Variants in TRIM44 observed in about 807,000 individuals in gnomAD.
TRIM44 encodes tripartite motif-containing protein 44.
In TRIM44, 13 loss-of-function variants were observed where a neutral mutation model predicts 37.4. The observed-to-expected ratio is 0.35, with a 90% CI of 0.23 to 0.55. The LOEUF (loss-of-function observed/expected upper bound fraction) is 0.55. Ranked by LOEUF, TRIM44 falls within the 20% of genes least tolerant of loss-of-function variation. The probability of loss-of-function intolerance (pLI) is 0.89; values close to 1 mark genes in which losing one functional copy is unlikely to be tolerated. For synonymous variants in TRIM44, 175 were observed against 157.2 expected, an observed-to-expected ratio of 1.11 and a Z score of -0.85; for missense variants, 426 against 437.2, an observed-to-expected ratio of 0.97 and a Z score of 0.23.
chr11:35,686,872 A>G (rs1403093534), intron 2 of TRIM44, among the ~76,000 whole-genome samples: 1 of 152,216 alleles, frequency 6.6e-6, no homozygotes, highest in Non-Finnish European at 1.5e-5. Flanking sequence ...TTTGTTGTGC[A>G]GCCATCATCA....
chr11:35,758,432 A>G lies in TRIM44; in HGVS notation c.1007+22987A>G, dbSNP rs150348498. On this transcript the variant is annotated intron_variant, in intron 4 of 4. Transcript: ENST00000299413. Reference sequence around the variant, plus strand: ...TGGGTTTCCTGAATACAGTACACTGATGGGTCTTGACTCTTTATCCAGTTT... The same window carrying G: ...TGGGTTTCCTGAATACAGTACACTGGTGGGTCTTGACTCTTTATCCAGTTT... 8.9e-3 allele frequency among the ~76,000 whole-genome samples: 1,351 copies of G among 152,212 alleles called. 7 individuals carry two copies. Among genetic ancestry groups the G allele is most frequent in the Non-Finnish European group, 0.013 (896 of 68,010 alleles).
At chr11:35,788,414 G>T (rs1332490070) in intron 4 of TRIM44, among the ~76,000 whole-genome samples, 1 of 152,054 alleles carries the variant, frequency 6.6e-6, no homozygotes, top group Non-Finnish European at 1.5e-5. Context: ...CAAAGGGAGG[G>T]GTAGGGGACA....
chr11:35,680,131 C>G (rs1851507054), intron 1 of TRIM44, among the ~76,000 whole-genome samples: 1 of 152,096 alleles, frequency 6.6e-6, no homozygotes, highest in Non-Finnish European at 1.5e-5. Flanking sequence ...TTTGCATTGT[C>G]AAAGGAAAAG....
intron 4 of TRIM44, among the ~76,000 whole-genome samples, chr11:35,802,410 T>C (rs1362281780): frequency 6.6e-6 from 1 of 152,210 alleles, no homozygotes; most frequent in Non-Finnish European, 1.5e-5. Context: ...GAGTAGCATT[T>C]CTGCGGAAGT....
intron 1 of TRIM44, among the ~76,000 whole-genome samples, chr11:35,676,730 A>G (rs1354105001): frequency 6.6e-6 from 1 of 152,102 alleles, no homozygotes; most frequent in Middle Eastern, 3.2e-3. Flanking sequence ...CACCCATACT[A>G]TTTTCCTCTG....
At position 35,726,278 on chromosome 11, in the gene TRIM44, A is replaced by G. The variant is rs909564916; in HGVS notation, c.987+115A>G. 5.8e-6 allele frequency: 8 copies of G among 1,368,274 alleles called. No individual in the cohort carries two copies. In the African/African-American group the frequency reaches 8.8e-5, roughly 15 times the overall value. The allele number at this position is 1,368,274 out of a possible 1,614,324, so 84.8% of individuals were successfully genotyped here. Reference sequence around the variant, plus strand: ...GAATGAATTGAAGTCTAGGTAGAGTATAAGTGTTTCACATGGTGTATAAAC... The same window carrying G: ...GAATGAATTGAAGTCTAGGTAGAGTGTAAGTGTTTCACATGGTGTATAAAC... On this transcript the variant is annotated intron_variant, in intron 3 of 4. Transcript: ENST00000299413.
chr11:35,696,378 G>A (rs978973155), intron 2 of TRIM44, among the ~76,000 whole-genome samples: 4 of 151,032 alleles, frequency 2.6e-5, no homozygotes, highest in Admixed American at 6.6e-5. Flanking sequence ...TCCTGACCTC[G>A]TGATCCACCT....
rs1211348023 is a variant in TRIM44, at chr11:35,706,863, T to A, written c.748-19061T>A. On this transcript the variant is annotated intron_variant, in intron 2 of 4. Coordinates refer to ENST00000299413, the MANE Select transcript of TRIM44 (RefSeq NM_017583.6). ...TTTGAAAACTGGCACAAGACAGGGA[T>A]GCCCTCTCTCACCACTCCTATTCAA... is the stretch of plus-strand genomic sequence containing the variant. 2.0e-5 allele frequency among the ~76,000 whole-genome samples: 3 copies of A among 151,096 alleles called. No individual in the cohort carries two copies. The South Asian group carries it at 6.4e-4, about 32-fold the overall frequency.
chr11:35,662,973 C>G lies in TRIM44; in HGVS notation c.-139C>G. 1 of 1,362,260 alleles carries G rather than the reference C, an allele frequency of 7.3e-7. No homozygotes were observed. Among genetic ancestry groups the G allele is most frequent in the Non-Finnish European group, 9.4e-7 (1 of 1,059,244 alleles). 84.4% of individuals were successfully genotyped at this position (1,362,260 alleles called of 1,614,324 possible). ...CAGGGGCTGCCGCGGCCCCAGGTCC[C>G]GCTTCGAGACGCGGCGCGGTCCAGG... On this transcript the variant is annotated 5_prime_UTR_variant, in exon 1 of 5. Coordinates refer to ENST00000299413, the MANE Select transcript of TRIM44 (RefSeq NM_017583.6).
intron 4 of TRIM44, among the ~76,000 whole-genome samples, chr11:35,759,803 G>A (rs1457481211): frequency 6.6e-6 from 1 of 152,186 alleles, no homozygotes; most frequent in African/African-American, 2.4e-5. Flanking sequence ...GGAGCCTGCA[G>A]AACAGCATAT....
intron 3 of TRIM44, among the ~76,000 whole-genome samples, chr11:35,727,157 C>CAA (rs56986873): frequency 3.1e-3 from 287 of 92,010 alleles, no homozygotes; most frequent in Middle Eastern, 6.3e-3. Flanking sequence ...GATCCTGTCT[C>CAA]AAAAAAAAAA....
intron 1 of TRIM44, among the ~76,000 whole-genome samples, chr11:35,675,121 A>G (rs1044754010): frequency 1.6e-4 from 24 of 152,184 alleles, no homozygotes; most frequent in Non-Finnish European, 2.5e-4. Context: ...ACTATATGTT[A>G]TTCATCTTTG....
In TRIM44 at chr11:35,663,590, A is replaced by G; in HGVS notation, c.479A>G (p.Glu160Gly). Residue 160 changes from glutamate (E) to glycine (G), a missense_variant, in exon 1 of 5, where the codon GAA becomes GGA. Around this residue, in one of 2 missense-constraint regions of TRIM44, gnomAD observed 331 missense variants for 303.0 expected, o/e 1.09. Transcript: ENST00000299413. ...GAGGCGGAGGGAGAAACTGAGGCAG[A>G]AAGTGAATTTGACCCAGAAATAGAA... ...ESEAEGETEA[E>G]SEFDPEIEME... 6.2e-7 allele frequency: 1 copy of G among 1,614,168 alleles called. No homozygotes were observed. Among genetic ancestry groups the G allele is most frequent in the South Asian group, 1.1e-5 (1 of 91,080 alleles).
chr11:35,673,671 T>TC (rs1045448458), intron 1 of TRIM44, among the ~76,000 whole-genome samples: 1 of 152,166 alleles, frequency 6.6e-6, no homozygotes, highest in Non-Finnish European at 1.5e-5. Context: ...GCCCTCTTTT[T>TC]CTCTTTCCTG....
At position 35,727,051 on chromosome 11, in the gene TRIM44, A is replaced by G. The variant is rs985814691; in HGVS notation, c.987+888A>G. On this transcript the variant is annotated intron_variant, in intron 3 of 4. Coordinates refer to ENST00000299413, the MANE Select transcript of TRIM44 (RefSeq NM_017583.6). The stretch of plus-strand genomic sequence containing the variant: ...GTCTCACCTGCCTGTAGTCCCAGCT[A>G]TTCAGGAGAGGTAGGAAGATTACTT... Among the ~76,000 whole-genome samples the G allele has an allele frequency of 9.2e-5, 14 of 151,820 alleles. No individual in the cohort carries two copies. The East Asian group carries it at 2.7e-3, about 30-fold the overall frequency.
At chr11:35,744,522 G>T (rs1852460751) in intron 4 of TRIM44, among the ~76,000 whole-genome samples, 1 of 151,242 alleles carries the variant, frequency 6.6e-6, no homozygotes, top group Admixed American at 6.6e-5. Context: ...ACTGTTATCT[G>T]AAATTTAAAT....
chr11:35,709,251 G>T (rs529173080), intron 2 of TRIM44, among the ~76,000 whole-genome samples: 2 of 152,150 alleles, frequency 1.3e-5, no homozygotes, highest in Non-Finnish European at 2.9e-5. Context: ...GTCATTTTCT[G>T]TGAGACTTTG....
chr11:35,727,739 A>G (rs2135516936), intron 3 of TRIM44, among the ~76,000 whole-genome samples: 1 of 152,346 alleles, frequency 6.6e-6, no homozygotes, highest in East Asian at 1.9e-4. Context: ...AGTAGAAAAT[A>G]GAGCCAGGGT....
At chr11:35,746,911 A>G (rs1253270618) in intron 4 of TRIM44, among the ~76,000 whole-genome samples, 1 of 152,156 alleles carries the variant, frequency 6.6e-6, no homozygotes, top group Non-Finnish European at 1.5e-5. Flanking sequence ...TAGGTTCGCA[A>G]TGTGGTTATA....
Sources: gnomAD v4.1 joint callset for allele counts (sites outside exome capture counted in the v4.1 genomes callset) on GRCh38, gnomAD v4.1.1 for gene constraint, gnomAD v4.1.1 regional missense constraint, MANE v1.5 for transcripts, NCBI Gene and HGNC (gene_info 2026-07-23, HGNC 2026-07-21) for gene names.